SAMSN1: variants seen among roughly 807,000 people sequenced by gnomAD.
SAMSN1 encodes the protein SAM domain, SH3 domain and nuclear localization signals 1, also known as SAM domain-containing protein SAMSN-1.
Under a neutral mutation model 42.0 loss-of-function variants are expected in SAMSN1, and 31 were observed. That is an observed-to-expected ratio of 0.74 (90% CI 0.55 to 1.00). SAMSN1 has a LOEUF of 1.00. Ranked by LOEUF, SAMSN1 falls within the 50% of genes least tolerant of loss-of-function variation. SAMSN1 has a pLI of 0.00. For synonymous variants in SAMSN1, 178 were observed against 151.9 expected, an observed-to-expected ratio of 1.17 and a Z score of -1.26; for missense variants, 464 against 439.4, an observed-to-expected ratio of 1.06 and a Z score of -0.50.
chr21:14,487,556 G>A (rs1454127504), intron 7 of SAMSN1, among the ~76,000 whole-genome samples: 1 of 152,036 alleles, frequency 6.6e-6, no homozygotes, highest in Non-Finnish European at 1.5e-5. Context: ...GGGAGAAATT[G>A]AAAAGTGTTA....
intron 1 of SAMSN1, among the ~76,000 whole-genome samples, chr21:14,536,398 T>G (rs1016526633): frequency 2.6e-5 from 4 of 152,170 alleles, no homozygotes; most frequent in Non-Finnish European, 4.4e-5. Flanking sequence ...AAATACAATA[T>G]CCAAATTTCC....
intron 7 of SAMSN1, among the ~76,000 whole-genome samples, chr21:14,491,476 G>A (rs1986682328): frequency 6.6e-6 from 1 of 152,180 alleles, no homozygotes; most frequent in Non-Finnish European, 1.5e-5. Flanking sequence ...TCTACCAGAA[G>A]AAAAGTATCA....
At chr21:14,610,051 A>C (rs1382260467) in intron 4 of SAMSN1, among the ~76,000 whole-genome samples, 1 of 152,196 alleles carries the variant, frequency 6.6e-6, no homozygotes, top group South Asian at 2.1e-4. Flanking sequence ...TGTTTGAACA[A>C]TATCAAATCT....
chr21:14,542,050 T>C lies in SAMSN1; in HGVS notation c.57+4155A>G, dbSNP rs551839854. ...ACGAACGGAAAAGAAAGAAAGTTTT[T>C]TTACAATTGTAGGTGTTGACATGTG... On this transcript the variant is annotated intron_variant, in intron 1 of 7. Transcript: ENST00000400566. 1.6e-4 allele frequency among the ~76,000 whole-genome samples: 24 copies of C among 152,190 alleles called. 1 individual carries two copies. Among genetic ancestry groups the C allele is most frequent in the African/African-American group, 5.8e-4 (24 of 41,538 alleles).
chr21:14,642,770 G>A (rs1983625527), intron 2 of SAMSN1, among the ~76,000 whole-genome samples: 1 of 152,050 alleles, frequency 6.6e-6, no homozygotes, highest in Non-Finnish European at 1.5e-5. Flanking sequence ...GTTGCTTTGA[G>A]GATTGTGTTA....
intron 5 of SAMSN1, among the ~76,000 whole-genome samples, chr21:14,609,304 A>G (rs2123319042): frequency 6.6e-6 from 1 of 152,166 alleles, no homozygotes; most frequent in Non-Finnish European, 1.5e-5. Context: ...ATATGTATAC[A>G]TGTATATATT....
At chr21:14,536,467 A>T (rs985566907) in intron 1 of SAMSN1, among the ~76,000 whole-genome samples, 1 of 152,188 alleles carries the variant, frequency 6.6e-6, no homozygotes, top group Admixed American at 6.6e-5. Context: ...ATCTTTCTGA[A>T]TATTATCTGA....
At chr21:14,645,907 A>G (rs770241627) in intron 1 of SAMSN1, among the ~76,000 whole-genome samples, 2 of 152,224 alleles carry the variant, frequency 1.3e-5, no homozygotes, top group South Asian at 2.1e-4. Context: ...AGCAGAATGT[A>G]TAAGCAGAAG....
intron 1 of SAMSN1, among the ~76,000 whole-genome samples, chr21:14,539,936 A>G (rs1979897806): frequency 6.6e-6 from 1 of 152,232 alleles, no homozygotes; most frequent in South Asian, 2.1e-4. Context: ...TATTGGTACC[A>G]AAACAGAGAT....
At chr21:14,524,306 A>T (rs918622837) in intron 1 of SAMSN1, among the ~76,000 whole-genome samples, 1 of 152,174 alleles carries the variant, frequency 6.6e-6, no homozygotes, top group Non-Finnish European at 1.5e-5. Flanking sequence ...ATTGTAATGT[A>T]TTAGACTTAG....
At chr21:14,632,418 T>C (rs1447901681) in intron 2 of SAMSN1, among the ~76,000 whole-genome samples, 2 of 152,208 alleles carry the variant, frequency 1.3e-5, no homozygotes, top group African/African-American at 4.8e-5. Flanking sequence ...GTATTAGTTA[T>C]GTATTGTGCA....
chr21:14,645,675 C>T (rs1045585420), intron 1 of SAMSN1, among the ~76,000 whole-genome samples: 16 of 152,158 alleles, frequency 1.1e-4, no homozygotes, highest in Admixed American at 1.3e-4. Context: ...AAATAAGGCA[C>T]CAGGGACCAA....
At chr21:14,530,504 G>A (rs905138254) in intron 1 of SAMSN1, among the ~76,000 whole-genome samples, 1 of 152,052 alleles carries the variant, frequency 6.6e-6, no homozygotes, top group Non-Finnish European at 1.5e-5. Context: ...AATAAATACT[G>A]TCTCTAGTAA....
At chr21:14,615,887 A>C in intron 3 of SAMSN1, 1 of 342,452 alleles carries the variant, frequency 2.9e-6, no homozygotes, top group Non-Finnish European at 5.6e-6. Flanking sequence ...AAAAAAAAAA[A>C]AGTACTTTGG....
intron 1 of SAMSN1, among the ~76,000 whole-genome samples, chr21:14,521,957 G>A (rs1882911): frequency 0.47 from 71,701 of 151,258 alleles, 17,161 homozygotes; most frequent in East Asian, 0.6. Context: ...ATCATTTGAA[G>A]TTCTCTGCTG....
chr21:14,574,008 G>A (rs76779477), intron 2 of SAMSN1, among the ~76,000 whole-genome samples: 1 of 152,126 alleles, frequency 6.6e-6, no homozygotes, highest in Admixed American at 6.6e-5. Flanking sequence ...AACACTTGGA[G>A]CATTTGCCAA....
At chr21:14,560,725 C>T (rs2039236) in intron 2 of SAMSN1, among the ~76,000 whole-genome samples, 11,349 of 152,186 alleles carry the variant, frequency 0.075, 500 homozygotes, top group Middle Eastern at 0.16. Context: ...TTTATCTAAC[C>T]ACAAATCTAA....
intron 1 of SAMSN1, among the ~76,000 whole-genome samples, chr21:14,646,340 A>C (rs936644784): frequency 6.6e-6 from 1 of 152,238 alleles, no homozygotes; most frequent in Non-Finnish European, 1.5e-5. Flanking sequence ...TGGAAACCTT[A>C]CAGGCCAGGA....
chr21:14,655,314 G>T (rs459196), intron 1 of SAMSN1, among the ~76,000 whole-genome samples: 102,099 of 151,520 alleles, frequency 0.67, 34,825 homozygotes, highest in Middle Eastern at 0.79. Context: ...AAGGTTAGAA[G>T]ATATATTAAA....
Sources: gnomAD v4.1 joint callset for allele counts (sites outside exome capture counted in the v4.1 genomes callset) on GRCh38, gnomAD v4.1.1 for gene constraint, MANE v1.5 for transcripts, NCBI Gene and HGNC (gene_info 2026-07-23, HGNC 2026-07-21) for gene names.